KCNN3: variants seen among roughly 807,000 people sequenced by gnomAD.
KCNN3 encodes the protein small conductance calcium-activated potassium channel protein 3.
In KCNN3, 16 loss-of-function variants were observed where a neutral mutation model predicts 62.9. That is an observed-to-expected ratio of 0.25 (90% CI 0.17 to 0.39). The LOEUF (loss-of-function observed/expected upper bound fraction) is 0.39. KCNN3 is among the 10% of genes least tolerant of loss of function. The pLI is 1.00. For synonymous variants in KCNN3, 370 were observed against 389.2 expected (o/e 0.95, Z 0.58); for missense variants, 599 against 949.4 (o/e 0.63, Z 4.85).
rs1296355496 is a variant in KCNN3 at position 154,755,792 on chromosome 1, G to A, written c.1448+16183C>T. On this transcript the variant is annotated intron_variant, in intron 3 of 7. Transcript: ENST00000271915. ...GTGGAGGAGGAGAGAGAGAGGGGAG[G>A]AGGAGGAGGAAGAAGAAGAAGGCAA... Among the ~76,000 whole-genome samples the A allele has an allele frequency of 1.1e-3, 170 of 148,012 alleles. 2 individuals are homozygous for A. Among genetic ancestry groups the A allele is most frequent in the African/African-American group, 4.0e-3 (160 of 40,096 alleles).
intron 6 of KCNN3, 42 bp downstream of exon 6, chr1:154,714,834 C>T: frequency 5.6e-6 from 9 of 1,612,186 alleles, no homozygotes; most frequent in Non-Finnish European, 7.6e-6. Flanking sequence ...CCGCCACTCC[C>T]AGTCTGGTCA....
chr1:154,825,147 G>GAC (rs1651052399), intron 1 of KCNN3, among the ~76,000 whole-genome samples: 1 of 152,150 alleles, frequency 6.6e-6, no homozygotes. Context: ...GGATGGCAGT[G>GAC]ACACCGGGCT....
At chr1:154,722,952 G>A (rs1015347031) in intron 5 of KCNN3, among the ~76,000 whole-genome samples, 2 of 149,854 alleles carry the variant, frequency 1.3e-5, no homozygotes, top group Admixed American at 6.7e-5. Flanking sequence ...GGCTAGTCTC[G>A]AACTCCTGAC....
intron 3 of KCNN3, among the ~76,000 whole-genome samples, chr1:154,742,863 A>G (rs1038948452): frequency 1.3e-5 from 2 of 152,186 alleles, no homozygotes; most frequent in Non-Finnish European, 2.9e-5. Context: ...TCCTAGTGAC[A>G]AGGGCAGCTG....
intron 5 of KCNN3, among the ~76,000 whole-genome samples, chr1:154,722,684 G>T (rs1319843869): frequency 6.8e-6 from 1 of 146,558 alleles, no homozygotes; most frequent in African/African-American, 2.5e-5. Flanking sequence ...GAGCCACCGC[G>T]CCCGGCCAAG....
chr1:154,827,409 A>G (rs1420288262), intron 1 of KCNN3, among the ~76,000 whole-genome samples: 1 of 152,006 alleles, frequency 6.6e-6, no homozygotes, highest in African/African-American at 2.4e-5. Flanking sequence ...TCATTCCTCA[A>G]TCTCACACTG....
chr1:154,753,814 G>T (rs1647504339), intron 3 of KCNN3, among the ~76,000 whole-genome samples: 1 of 152,196 alleles, frequency 6.6e-6, no homozygotes, highest in African/African-American at 2.4e-5. Context: ...GGTAGACCAG[G>T]CTTACTTCCT....
intron 3 of KCNN3, among the ~76,000 whole-genome samples, chr1:154,743,393 A>C (rs1700867500): frequency 6.6e-6 from 1 of 152,172 alleles, no homozygotes; most frequent in African/African-American, 2.4e-5. Context: ...TATCCCTCAG[A>C]AAAAAAGCCG....
chr1:154,755,278 TGG>T (rs1647583513), intron 3 of KCNN3, among the ~76,000 whole-genome samples: 1 of 151,908 alleles, frequency 6.6e-6, no homozygotes, highest in Admixed American at 6.6e-5. Context: ...AAGACCAGCC[TGG>T]GCAACATAGA....
chr1:154,808,293 G>A (rs958644877), intron 2 of KCNN3, among the ~76,000 whole-genome samples: 21 of 152,064 alleles, frequency 1.4e-4, no homozygotes, highest in African/African-American at 1.9e-4. Context: ...TTCCCTTTAC[G>A]ATCAGCTGCA....
At position 154,701,794 on chromosome 1, in the gene KCNN3, T is replaced by G. The variant is rs6691359; in HGVS notation, c.*6182A>C. 0.17 allele frequency: 26,048 copies of G among 152,108 alleles called. 2,533 individuals are homozygous for G. Among genetic ancestry groups the G allele is most frequent in the African/African-American group, 0.26 (10,773 of 41,466 alleles). 9.4% of individuals were successfully genotyped at this position (152,108 alleles called of 1,614,324 possible). A position where few individuals can be genotyped will look rare whatever the true frequency, so the allele number is the denominator to read the frequency against. On this transcript the variant is annotated 3_prime_UTR_variant, in exon 8 of 8. Transcript: ENST00000271915. The stretch of plus-strand genomic sequence containing the variant: ...CACACTGGACTCTTGTTGGGCCTTG[T>G]GTAGTTTGGAAAGCCGACCCCGGTT...
chr1:154,797,377 G>A (rs181395633), intron 2 of KCNN3, among the ~76,000 whole-genome samples: 2 of 152,330 alleles, frequency 1.3e-5, no homozygotes, highest in Admixed American at 6.5e-5. Context: ...TAACCTCTCT[G>A]AGCCTCACTT....
chr1:154,784,782 AC>A (rs1337738511), intron 2 of KCNN3, among the ~76,000 whole-genome samples: 1 of 152,266 alleles, frequency 6.6e-6, no homozygotes, highest in African/African-American at 2.4e-5. Flanking sequence ...CCTTACAGGC[AC>A]CATCTCATTT....
rs1652800958 is a variant in KCNN3 at position 154,862,327 on chromosome 1, G to A, written c.933+6705C>T. The stretch of plus-strand genomic sequence containing the variant: ...CGTGAGGGTCATGAGGGACCCAGGG[G>A]TGAAAATGCCTTGTAAGATGTAAGA... On this transcript the variant is annotated intron_variant, in intron 1 of 7. Transcript: ENST00000271915. The surrounding 1 kb of genome is among the most constrained non-coding windows in gnomAD (Gnocchi z 4.1). 6.6e-6 allele frequency among the ~76,000 whole-genome samples: 1 copy of A among 152,166 alleles called. No homozygotes were observed. Among genetic ancestry groups the A allele is most frequent in the East Asian group, 1.9e-4 (1 of 5,188 alleles).
At chr1:154,763,008 A>AT (rs1648092171) in intron 3 of KCNN3, among the ~76,000 whole-genome samples, 1 of 151,896 alleles carries the variant, frequency 6.6e-6, no homozygotes, top group Non-Finnish European at 1.5e-5. Context: ...GTCATTATTG[A>AT]TTTTTCAGTA....
intron 1 of KCNN3, among the ~76,000 whole-genome samples, chr1:154,831,256 C>T (rs1042436721): frequency 3.9e-5 from 6 of 152,082 alleles, no homozygotes; most frequent in Non-Finnish European, 5.9e-5. Flanking sequence ...GAATATGGAA[C>T]GGTAAATACA....
intron 5 of KCNN3, among the ~76,000 whole-genome samples, chr1:154,719,230 C>T (rs1249012093): frequency 1.3e-5 from 2 of 152,246 alleles, no homozygotes; most frequent in Non-Finnish European, 2.9e-5. Flanking sequence ...CATTATGCTG[C>T]CAGGAACCCT....
At chr1:154,863,039 G>A (rs1033991747) in intron 1 of KCNN3, among the ~76,000 whole-genome samples, 2 of 152,140 alleles carry the variant, frequency 1.3e-5, no homozygotes, top group Admixed American at 6.5e-5. Context: ...GTACTCCCGG[G>A]TGTAATGTAA....
At chr1:154,711,630 G>T (rs6664817) in intron 7 of KCNN3, among the ~76,000 whole-genome samples, 138,049 of 152,116 alleles carry the variant, frequency 0.91, 63,151 homozygotes, top group East Asian at 0.97. Flanking sequence ...TCCTGGGGCA[G>T]TTTGTTGGGC....
Sources: gnomAD v4.1 joint callset for allele counts (sites outside exome capture counted in the v4.1 genomes callset) on GRCh38, gnomAD v4.1.1 for gene constraint, Gnocchi (gnomAD v3.1) non-coding constraint, MANE v1.5 for transcripts, NCBI Gene and HGNC (gene_info 2026-07-23, HGNC 2026-07-21) for gene names.